Variants in HTR4 observed in about 807,000 individuals in gnomAD.
The protein encoded by HTR4 is 5-hydroxytryptamine receptor 4.
In HTR4, 16 loss-of-function variants were observed where a neutral mutation model predicts 36.8. That is an observed-to-expected ratio of 0.43 (90% confidence interval 0.29 to 0.66). The LOEUF is 0.66. Among genes scored for constraint, HTR4 ranks in the 30% least tolerant of loss-of-function variants. HTR4 has a pLI of 0.13. For missense variants in HTR4, 438 were observed against 490.9 expected, an observed-to-expected ratio of 0.89 and a Z score of 1.02; for synonymous variants, 189 against 185.1, an observed-to-expected ratio of 1.02 and a Z score of -0.17.
At chr5:148,543,830 G>C (rs1435315374) in intron 4 of HTR4, among the ~76,000 whole-genome samples, 1 of 152,108 alleles carries the variant, frequency 6.6e-6, no homozygotes, top group Admixed American at 6.5e-5. Context: ...GATGCACCCC[G>C]TAAGAGATGG....
Position 148,628,257 on chromosome 5 carries a change from T to G in HTR4, c.26+8732A>C, listed in dbSNP as rs780004882. Among the ~76,000 whole-genome samples, 141 of 152,258 alleles carry G rather than the reference T, an allele frequency of 9.3e-4. 3 individuals carry two copies. Among genetic ancestry groups the G allele is most frequent in the Middle Eastern group, 3.4e-3 (1 of 294 alleles). ...GGATAGGCTCTGATATCACAAAAAT[T>G]TGGGTGAAAATACTAGCTTCACCTC... On this transcript the variant is annotated intron_variant, in intron 2 of 6. Transcript: ENST00000377888.
At chr5:148,527,805 G>T (rs999165603) in intron 4 of HTR4, among the ~76,000 whole-genome samples, 1 of 152,066 alleles carries the variant, frequency 6.6e-6, no homozygotes, top group Non-Finnish European at 1.5e-5. Flanking sequence ...GCAGGGACAG[G>T]GTTTCGCTAT....
chr5:148,471,600 A>G (rs1266962223), intron 5 of HTR4, among the ~76,000 whole-genome samples: 1 of 152,200 alleles, frequency 6.6e-6, no homozygotes, highest in African/African-American at 2.4e-5. Context: ...GCACTAGAAG[A>G]CTGTACTTAT....
At chr5:148,609,501 T>C (rs939564400) in intron 2 of HTR4, among the ~76,000 whole-genome samples, 1 of 151,954 alleles carries the variant, frequency 6.6e-6, no homozygotes, top group Non-Finnish European at 1.5e-5. Flanking sequence ...ACTAGAAAAA[T>C]GGTGATGTGG....
chr5:148,619,086 GA>G (rs1752814938), intron 2 of HTR4, among the ~76,000 whole-genome samples: 1 of 152,064 alleles, frequency 6.6e-6, no homozygotes, highest in Non-Finnish European at 1.5e-5. Flanking sequence ...AGGAAAGAAG[GA>G]AGAGAGAGAA....
chr5:148,537,953 T>C (rs182697326), intron 4 of HTR4, among the ~76,000 whole-genome samples: 173 of 152,224 alleles, frequency 1.1e-3, no homozygotes, highest in African/African-American at 4.0e-3. Context: ...CCAGTATCCT[T>C]ACATGAATAT....
intron 4 of HTR4, among the ~76,000 whole-genome samples, chr5:148,540,400 G>GTGTATATA (rs1156826063): frequency 9.4e-5 from 7 of 74,288 alleles, no homozygotes; most frequent in African/African-American, 2.0e-4. Context: ...TTATGTGTGT[G>GTGTATATA]TATATATATA....
intron 1 of HTR4, among the ~76,000 whole-genome samples, chr5:148,651,871 A>T (rs1226497806): frequency 6.6e-6 from 1 of 152,182 alleles, no homozygotes; most frequent in Non-Finnish European, 1.5e-5. Context: ...TTCTTGCTAC[A>T]ACCAAGAACA....
chr5:148,491,328 T>A (rs76556181), intron 6 of HTR4, among the ~76,000 whole-genome samples: 39,581 of 151,768 alleles, frequency 0.26, 5,784 homozygotes, highest in Non-Finnish European at 0.34. Context: ...ATATATTTTT[T>A]TTTTTTTGGT....
intron 4 of HTR4, among the ~76,000 whole-genome samples, chr5:148,542,637 ACTT>A (rs1759176250): frequency 1.3e-5 from 2 of 152,124 alleles, no homozygotes; most frequent in African/African-American, 4.8e-5. Context: ...AGTGAAATTG[ACTT>A]TTTTTTTAAA....
At chr5:148,618,612 A>T (rs1752796616) in intron 2 of HTR4, among the ~76,000 whole-genome samples, 1 of 152,074 alleles carries the variant, frequency 6.6e-6, no homozygotes, top group Admixed American at 6.5e-5. Context: ...ATAACAGCTC[A>T]CTGCTGTGCT....
At chr5:148,505,014 C>A (rs1173853020) in intron 6 of HTR4, among the ~76,000 whole-genome samples, 1 of 152,082 alleles carries the variant, frequency 6.6e-6, no homozygotes, top group East Asian at 1.9e-4. Flanking sequence ...AGCCTACCAA[C>A]CAAAAAAATC....
downstream of HTR4, among the ~76,000 whole-genome samples, chr5:148,481,242 T>C (rs1755868174): frequency 1.3e-5 from 2 of 152,198 alleles, no homozygotes; most frequent in African/African-American, 4.8e-5. Context: ...CTGAGCCTAG[T>C]GATGGCAGGG....
intron 2 of HTR4, among the ~76,000 whole-genome samples, chr5:148,620,550 A>G (rs1341867579): frequency 6.6e-6 from 1 of 152,256 alleles, no homozygotes; most frequent in African/African-American, 2.4e-5. Context: ...TTTGAAAACT[A>G]AGTACAAAAA....
intron 4 of HTR4, among the ~76,000 whole-genome samples, chr5:148,529,857 G>T (rs1758467334): frequency 6.6e-6 from 1 of 152,216 alleles, no homozygotes; most frequent in Non-Finnish European, 1.5e-5. Context: ...GTCTCAGATA[G>T]AGATGAGAAA....
At chr5:148,567,932 C>A (rs1172889667) in intron 2 of HTR4, among the ~76,000 whole-genome samples, 1 of 152,096 alleles carries the variant, frequency 6.6e-6, no homozygotes, top group Non-Finnish European at 1.5e-5. Flanking sequence ...AAAGCAGAGG[C>A]TTTGTCAGTT....
At chr5:148,474,813 C>T (rs1755657106), downstream of HTR4, among the ~76,000 whole-genome samples, 1 of 152,036 alleles carries the variant, frequency 6.6e-6, no homozygotes, top group African/African-American at 2.4e-5. Context: ...AACGTAGTCT[C>T]GGCGGGTGGA....
chr5:148,510,251 GT>G (rs1757434447), intron 5 of HTR4, among the ~76,000 whole-genome samples: 1 of 152,110 alleles, frequency 6.6e-6, no homozygotes. Flanking sequence ...CAAAGCTTTG[GT>G]TTTCTTATAA....
intron 2 of HTR4, among the ~76,000 whole-genome samples, chr5:148,563,383 T>C (rs1760300903): frequency 6.6e-6 from 1 of 152,170 alleles, no homozygotes; most frequent in South Asian, 2.1e-4. Flanking sequence ...AAAAAGAACC[T>C]CCCCTCACTC....
Sources: gnomAD v4.1 joint callset for allele counts (sites outside exome capture counted in the v4.1 genomes callset) on GRCh38, gnomAD v4.1.1 for gene constraint, MANE v1.5 for transcripts, NCBI Gene and HGNC (gene_info 2026-07-23, HGNC 2026-07-21) for gene names.